The following DOCK4 variants were observed in gnomAD, a reference collection of about 807,000 sequenced individuals.
DOCK4 encodes dedicator of cytokinesis 4, also known as dedicator of cytokinesis protein 4.
A neutral mutation model predicts 268.1 loss-of-function variants in DOCK4; 97 were observed. That is an observed-to-expected ratio of 0.36 (90% confidence interval 0.31 to 0.43). The LOEUF (loss-of-function observed/expected upper bound fraction) is 0.43. DOCK4 is among the 20% of genes least tolerant of loss of function. The pLI is 1.00. For synonymous variants in DOCK4, 954 were observed against 887.2 expected (o/e 1.08, Z -1.34); for missense variants, 2,145 against 2,455.7 (o/e 0.87, Z 2.67).
At chr7:111,940,612 A>G (rs1795131270) in intron 10 of DOCK4, among the ~76,000 whole-genome samples, 1 of 152,190 alleles carries the variant, frequency 6.6e-6, no homozygotes, top group Non-Finnish European at 1.5e-5. Context: ...AACAAATTCC[A>G]TATTCAAAAA....
intron 1 of DOCK4, among the ~76,000 whole-genome samples, chr7:112,047,814 A>C (rs762110777): frequency 2.0e-5 from 3 of 152,128 alleles, no homozygotes; most frequent in Non-Finnish European, 2.9e-5. Context: ...TGTCTCAGCC[A>C]TCTGAGTAGC....
At chr7:111,904,617 C>T (rs1278710812) in intron 13 of DOCK4, among the ~76,000 whole-genome samples, 1 of 152,074 alleles carries the variant, frequency 6.6e-6, no homozygotes, top group Non-Finnish European at 1.5e-5. Context: ...CCTATCTCTT[C>T]TTTACAAAAG....
intron 30 of DOCK4, among the ~76,000 whole-genome samples, chr7:111,796,743 A>T (rs973382135): frequency 3.5e-4 from 53 of 152,254 alleles, no homozygotes; most frequent in Non-Finnish European, 1.5e-4. Flanking sequence ...CAAAGGCAAC[A>T]CAGGCTCTCC....
At chr7:111,826,171 G>C (rs771080747) in intron 26 of DOCK4, among the ~76,000 whole-genome samples, 4 of 152,176 alleles carry the variant, frequency 2.6e-5, no homozygotes, top group Non-Finnish European at 4.4e-5. Flanking sequence ...ATGTGAATAA[G>C]TCTGAAGGTC....
At chr7:112,055,108 C>A (rs1298967287) in intron 1 of DOCK4, among the ~76,000 whole-genome samples, 2 of 152,096 alleles carry the variant, frequency 1.3e-5, no homozygotes, top group Non-Finnish European at 2.9e-5. Context: ...ATAATGAAAC[C>A]AATTTTACCA....
Position 112,045,193 on chromosome 7 carries a change from C to T in DOCK4, c.38-41062G>A, listed in dbSNP as rs182550832. On this transcript the variant is annotated intron_variant, in intron 1 of 52. Transcript: ENST00000428084. ...CTTCAGTCACAGCAGGCACACTCAT[C>T]CTTTCTTATTTTTATATCTGCCTCT... 2.4e-3 allele frequency among the ~76,000 whole-genome samples: 361 copies of T among 152,260 alleles called. 1 individual carries two copies. Among genetic ancestry groups the T allele is most frequent in the Non-Finnish European group, 4.2e-3 (286 of 68,016 alleles).
intron 1 of DOCK4, among the ~76,000 whole-genome samples, chr7:112,095,928 C>T (rs1422894710): frequency 4.0e-5 from 6 of 151,838 alleles, no homozygotes; most frequent in Non-Finnish European, 8.8e-5. Flanking sequence ...CTGAAAATAG[C>T]CTCTACTAAA....
chr7:112,174,703 A>G (rs552611457), intron 1 of DOCK4, among the ~76,000 whole-genome samples: 1 of 152,166 alleles, frequency 6.6e-6, no homozygotes, highest in Admixed American at 6.5e-5. Flanking sequence ...TTCTTCCCAA[A>G]ACCCTCCCCT....
chr7:111,984,832 C>T (rs912024951), intron 6 of DOCK4, among the ~76,000 whole-genome samples: 1 of 152,130 alleles, frequency 6.6e-6, no homozygotes, highest in African/African-American at 2.4e-5. Context: ...CCTAGCTGTG[C>T]CCAGAGTCAA....
At chr7:112,051,598 G>A (rs567278332) in intron 1 of DOCK4, among the ~76,000 whole-genome samples, 18 of 151,942 alleles carry the variant, frequency 1.2e-4, no homozygotes, top group African/African-American at 3.9e-4. Context: ...ACATTAATAG[G>A]TCAGGAGATC....
chr7:111,889,044 T>G (rs1808074668), intron 16 of DOCK4, among the ~76,000 whole-genome samples: 1 of 152,128 alleles, frequency 6.6e-6, no homozygotes, highest in African/African-American at 2.4e-5. Flanking sequence ...CAGTATGAAC[T>G]GGTTAGCATT....
Position 111,822,326 on chromosome 7 carries a change from A to G in DOCK4, c.2930+36T>C, listed in dbSNP as rs768840525. The G allele has an allele frequency of 9.7e-6, 15 of 1,551,244 alleles. 1 individual carries two copies. The South Asian group carries it at 1.4e-4, about 14-fold the overall frequency. On this transcript the variant is annotated intron_variant, in intron 27 of 52. Transcript: ENST00000428084. ...TTTGTACTCCCTTCTTCCTCTATAC[A>G]TTGAGCTGCAATTATCATCAACTTA...
chr7:111,859,669 G>GCCTC, intron 23 of DOCK4, among the ~76,000 whole-genome samples: 2 of 145,602 alleles, frequency 1.4e-5, no homozygotes, highest in East Asian at 2.0e-4. Flanking sequence ...CCGGGTTCAC[G>GCCTC]CCATTCTCCT....
intron 8 of DOCK4, among the ~76,000 whole-genome samples, chr7:111,953,291 G>C (rs899764369): frequency 2.6e-5 from 4 of 152,120 alleles, no homozygotes; most frequent in Non-Finnish European, 5.9e-5. Context: ...AGGTGTGAAG[G>C]GAGACACACC....
intron 1 of DOCK4, among the ~76,000 whole-genome samples, chr7:112,051,748 A>C (rs1026600682): frequency 5.3e-5 from 8 of 152,218 alleles, no homozygotes; most frequent in African/African-American, 1.9e-4. Flanking sequence ...ATATGAGATG[A>C]TTTCATGTTG....
chr7:111,738,635 C>T (rs1795678264), intron 49 of DOCK4, among the ~76,000 whole-genome samples: 1 of 152,162 alleles, frequency 6.6e-6, no homozygotes, highest in East Asian at 1.9e-4. Context: ...ACCATGTGTC[C>T]CTATCAGAAA....
At chr7:111,935,401 T>G (rs755983808) in intron 12 of DOCK4, 139 bp downstream of exon 12, 13 of 739,214 alleles carry the variant, frequency 1.8e-5, no homozygotes, top group Non-Finnish European at 4.9e-6. Flanking sequence ...CATACCAGAA[T>G]GTTCATTGAG....
At chr7:112,000,766 A>C (rs1800357681) in intron 2 of DOCK4, among the ~76,000 whole-genome samples, 1 of 152,220 alleles carries the variant, frequency 6.6e-6, no homozygotes, top group Non-Finnish European at 1.5e-5. Flanking sequence ...TATAAACAAC[A>C]GAAAAATACA....
intron 1 of DOCK4, among the ~76,000 whole-genome samples, chr7:112,049,659 T>C (rs773250831): frequency 6.6e-6 from 1 of 152,114 alleles, no homozygotes; most frequent in Non-Finnish European, 1.5e-5. Context: ...ACTTCACATA[T>C]AAAGGCACAA....
Sources: gnomAD v4.1 joint callset for allele counts (sites outside exome capture counted in the v4.1 genomes callset) on GRCh38, gnomAD v4.1.1 for gene constraint, MANE v1.5 for transcripts, NCBI Gene and HGNC (gene_info 2026-07-23, HGNC 2026-07-21) for gene names.